Variants in OXSR1 observed in about 807,000 individuals in gnomAD.
OXSR1 encodes oxidative stress responsive kinase 1, also known as serine/threonine-protein kinase OSR1.
In OXSR1, 24 loss-of-function variants were observed where a neutral mutation model predicts 79.8. The ratio of observed to expected loss-of-function variants is 0.30; its 90% confidence interval spans 0.22 to 0.42. The LOEUF (loss-of-function observed/expected upper bound fraction) is 0.42, where lower values mean the gene tolerates loss of function less well. OXSR1 is among the 10% of genes least tolerant of loss of function. OXSR1 has a pLI of 1.00. For missense variants in OXSR1, 430 were observed against 618.4 expected (o/e 0.70, Z 3.23); for synonymous variants, 226 against 209.2 (o/e 1.08, Z -0.69).
At position 38,251,485 on chromosome 3, in the gene OXSR1, G is replaced by T. The variant is rs764900495; in HGVS notation, c.1444+14G>T. The T allele has an allele frequency of 6.2e-7, 1 of 1,602,878 alleles. No homozygotes were observed. The highest frequency in any genetic ancestry group is 8.5e-7 in the Non-Finnish European group (1 of 1,169,952). On this transcript the variant is annotated intron_variant, in intron 16 of 17. Transcript: ENST00000311806. The stretch of plus-strand genomic sequence containing the variant: ...ATTTAGTAATAGGTAACTCCATTGC[G>T]TTCTGCTCATGTGCTCCTGTGTCTC...
intron 10 of OXSR1, among the ~76,000 whole-genome samples, chr3:38,232,343 G>T (rs1055615757): frequency 6.6e-6 from 1 of 152,090 alleles, no homozygotes; most frequent in Non-Finnish European, 1.5e-5. Flanking sequence ...GATCGCTTGA[G>T]CCTGGGAGGT....
intron 1 of OXSR1, among the ~76,000 whole-genome samples, chr3:38,172,643 C>T (rs551334819): frequency 3.3e-5 from 5 of 152,228 alleles, no homozygotes; most frequent in African/African-American, 1.2e-4. Flanking sequence ...CCTTTAGCGC[C>T]TCCATAAATG....
At chr3:38,203,070 C>T (rs567506921) in intron 4 of OXSR1, among the ~76,000 whole-genome samples, 5 of 152,350 alleles carry the variant, frequency 3.3e-5, no homozygotes, top group African/African-American at 7.2e-5. Flanking sequence ...TGTCCACTTC[C>T]GTGTTCCTCC....
intron 4 of OXSR1, among the ~76,000 whole-genome samples, chr3:38,214,661 C>G (rs1315615632): frequency 6.6e-6 from 1 of 152,168 alleles, no homozygotes; most frequent in Non-Finnish European, 1.5e-5. Context: ...AGCAGGCTGG[C>G]CTGCACTCTA....
At chr3:38,168,882 G>C (rs1252973339) in intron 1 of OXSR1, among the ~76,000 whole-genome samples, 1 of 152,200 alleles carries the variant, frequency 6.6e-6, no homozygotes, top group Non-Finnish European at 1.5e-5. Flanking sequence ...ATGGGCATTG[G>C]ATTGTTTCTG....
At chr3:38,221,488 A>G (rs1327759841) in intron 5 of OXSR1, 90 bp from the exon 6 acceptor site, 15 of 698,082 alleles carry the variant, frequency 2.1e-5, no homozygotes, top group East Asian at 5.2e-5. Context: ...TTTTATTTAT[A>G]TATAGGATGT....
chr3:38,198,883 CTT>C lies in OXSR1; in HGVS notation c.434+21_434+22del. ...CCACAGGTATGTAAAAGACAATACT[CTT>C]GTGTTACATCATCTCATTAAGGCCA... On this transcript the variant is annotated intron_variant, in intron 4 of 17. Coordinates refer to ENST00000311806, the MANE Select transcript of OXSR1 (RefSeq NM_005109.3). 1 of 1,603,186 alleles carries C rather than the reference CTT, an allele frequency of 6.2e-7. No individual in the cohort carries two copies. Among genetic ancestry groups the C allele is most frequent in the Non-Finnish European group, 8.5e-7 (1 of 1,172,334 alleles).
chr3:38,239,279 C>T (rs1260849316), intron 11 of OXSR1, among the ~76,000 whole-genome samples: 11 of 152,070 alleles, frequency 7.2e-5, no homozygotes, highest in African/African-American at 2.7e-4. Context: ...GAGTATTTTC[C>T]TGCCTCTCCA....
At chr3:38,169,481 T>A (rs973965882) in intron 1 of OXSR1, among the ~76,000 whole-genome samples, 2 of 152,066 alleles carry the variant, frequency 1.3e-5, no homozygotes, top group Non-Finnish European at 2.9e-5. Context: ...AATTTTTGTG[T>A]TTTTAGTAAT....
At chr3:38,211,632 G>A (rs776873429) in intron 4 of OXSR1, among the ~76,000 whole-genome samples, 1 of 152,066 alleles carries the variant, frequency 6.6e-6, no homozygotes, top group Non-Finnish European at 1.5e-5. Flanking sequence ...GTTTTATTTA[G>A]GGAGTTTTAG....
chr3:38,238,630 C>G (rs768836884), intron 11 of OXSR1, among the ~76,000 whole-genome samples: 3 of 152,002 alleles, frequency 2.0e-5, no homozygotes, highest in Non-Finnish European at 4.4e-5. Context: ...AAAGATGTTT[C>G]TTCACCATCT....
intron 11 of OXSR1, 84 bp downstream of exon 11, chr3:38,237,045 A>G (rs1702933480): frequency 1.6e-6 from 2 of 1,251,312 alleles, no homozygotes; most frequent in East Asian, 2.5e-5. Context: ...AAAGAATACA[A>G]TTGTAACAGG....
At chr3:38,169,721 GT>G (rs973634905) in intron 1 of OXSR1, among the ~76,000 whole-genome samples, 6 of 148,600 alleles carry the variant, frequency 4.0e-5, no homozygotes, top group South Asian at 4.3e-4. Context: ...CCTGTCTGTA[GT>G]TTTTTTTTTC....
At chr3:38,245,010 G>T (rs1222936421) in intron 12 of OXSR1, among the ~76,000 whole-genome samples, 1 of 152,044 alleles carries the variant, frequency 6.6e-6, no homozygotes. Context: ...CAATTTGGAA[G>T]CTAATAGTCT....
At chr3:38,221,722 G>A (rs1287720065) in intron 6 of OXSR1, 35 bp downstream of exon 6, 2 of 1,298,078 alleles carry the variant, frequency 1.5e-6, no homozygotes, top group Non-Finnish European at 1.1e-6. Context: ...AAATGGGTTA[G>A]GGCTTTGTTT....
chr3:38,223,770 C>T lies in OXSR1; in HGVS notation c.601-42C>T, dbSNP rs756449681. ...GGCCAGAAGCTAACTTTTAAAAGTC[C>T]TTTTATGCTGGTAAAAATAATCATG... On this transcript the variant is annotated intron_variant, in intron 6 of 17. Transcript: ENST00000311806. 2.7e-6 allele frequency: 4 copies of T among 1,456,408 alleles called. No individual in the cohort carries two copies. In the Admixed American group the frequency reaches 6.9e-5, roughly 25 times the overall value. The allele number at this position is 1,456,408 out of a possible 1,614,324, so 90.2% of individuals were successfully genotyped here. A position where few individuals can be genotyped will look rare whatever the true frequency, so the allele number is the denominator to read the frequency against.
intron 2 of OXSR1, among the ~76,000 whole-genome samples, chr3:38,188,789 C>T (rs1328541053): frequency 6.6e-6 from 1 of 152,100 alleles, no homozygotes; most frequent in Non-Finnish European, 1.5e-5. Flanking sequence ...ACTTCCAAGC[C>T]TTCCATGTTA....
chr3:38,232,225 G>A lies in OXSR1; in HGVS notation c.951+1795G>A, dbSNP rs113884570. ...GCTTGATCGCAGGAGTTCAAGGCTA[G>A]CCTGAGCAACATAGTGAGACCCCAT... On this transcript the variant is annotated intron_variant, in intron 10 of 17. Coordinates refer to ENST00000311806, the MANE Select transcript of OXSR1 (RefSeq NM_005109.3). Among the ~76,000 whole-genome samples the A allele has an allele frequency of 2.5e-3, 382 of 151,906 alleles. 4 individuals carry two copies. The highest frequency in any genetic ancestry group is 7.9e-3 in the African/African-American group (326 of 41,398).
intron 7 of OXSR1, 125 bp from the exon 8 acceptor site, chr3:38,224,446 T>C (rs1333077070): frequency 8.7e-6 from 6 of 691,374 alleles, no homozygotes; most frequent in East Asian, 2.9e-5. Context: ...GATTCAGATA[T>C]GAACTTACAG....
Sources: allele counts gnomAD v4.1 joint callset (sites outside exome capture counted in the v4.1 genomes callset), GRCh38; gene constraint gnomAD v4.1.1; transcripts MANE v1.5; gene names NCBI Gene and HGNC (gene_info 2026-07-23, HGNC 2026-07-21).